The following UCKL1 variants were observed in gnomAD, a reference collection of about 807,000 sequenced individuals.
UCKL1 encodes uridine-cytidine kinase-like 1.
A neutral mutation model predicts 59.2 loss-of-function variants in UCKL1; 65 were observed. The ratio of observed to expected loss-of-function variants is 1.10; its 90% CI spans 0.90 to 1.35. UCKL1 has a LOEUF of 1.35. UCKL1 is among the 40% of genes most tolerant of loss of function. The probability of loss-of-function intolerance (pLI) is 0.00; values close to 1 mark genes in which losing one functional copy is unlikely to be tolerated. For synonymous variants in UCKL1, 410 were observed against 323.1 expected (o/e 1.27, Z -2.88); for missense variants, 703 against 784.3 (o/e 0.90, Z 1.24).
chr20:63,946,054 C>T, intron 3 of UCKL1, 79 bp from the exon 4 acceptor site: 2 of 1,609,572 alleles, frequency 1.2e-6, no homozygotes, highest in Middle Eastern at 1.7e-4. Context: ...CTCTAGGCCT[C>T]CCAGGAGCAG....
intron 2 of UCKL1, 33 bp downstream of exon 2, chr20:63,946,420 C>G: frequency 2.5e-5 from 38 of 1,517,026 alleles, no homozygotes; most frequent in Non-Finnish European, 3.3e-5. Context: ...GGCAGGCGTC[C>G]GGCAGCAGGT....
intron 8 of UCKL1, 84 bp from the exon 9 acceptor site, chr20:63,941,292 G>T (rs1264655231): frequency 2.7e-6 from 4 of 1,455,722 alleles, no homozygotes; most frequent in East Asian, 5.1e-5. Flanking sequence ...GTGCGTCACT[G>T]TGAGGGGAAC....
At chr20:63,953,167 G>A (rs1305831556) in intron 1 of UCKL1, among the ~76,000 whole-genome samples, 2 of 152,126 alleles carry the variant, frequency 1.3e-5, no homozygotes, top group African/African-American at 4.8e-5. Flanking sequence ...ATCACCTGAG[G>A]TTGGGCGTTT....
chr20:63,952,289 C>G (rs2057764127), intron 1 of UCKL1, among the ~76,000 whole-genome samples: 1 of 152,222 alleles, frequency 6.6e-6, no homozygotes, highest in Non-Finnish European at 1.5e-5. Flanking sequence ...CTGGCATGGG[C>G]ATGCACCCTG....
Position 63,945,793 on chromosome 20 carries a change from G to A in UCKL1, c.582+12C>T. 6.2e-7 allele frequency: 1 copy of A among 1,613,440 alleles called. No homozygotes were observed. Among genetic ancestry groups the A allele is most frequent in the East Asian group, 2.2e-5 (1 of 44,884 alleles). On this transcript the variant is annotated intron_variant, in intron 4 of 14. Transcript: ENST00000354216. Reference sequence around the variant, plus strand: ...AGCCCCCCGAGGCCCCCTCTGCAGGGCCCTGGCCTACCCAGTCCTTCTTCC... The same window carrying A: ...AGCCCCCCGAGGCCCCCTCTGCAGGACCCTGGCCTACCCAGTCCTTCTTCC...
intron 5 of UCKL1, 55 bp downstream of exon 5, chr20:63,945,596 C>T (rs2055952941): frequency 1.3e-6 from 2 of 1,584,634 alleles, no homozygotes; most frequent in Non-Finnish European, 1.7e-6. Context: ...ACCTCATGGA[C>T]AGGGCGGCCA....
chr20:63,945,649 A>G lies in UCKL1; in HGVS notation c.654+2T>C, dbSNP rs1379762568. On this transcript the variant is annotated splice_donor_variant, in intron 5 of 14. Transcript: ENST00000354216. LOFTEE classifies it high-confidence loss of function. ...GGGTGGGTATTCCCGGCGGGTGCTT[A>G]CCTCCAACAGTGTCTTGTCAGCAAA... 1.9e-6 allele frequency: 3 copies of G among 1,612,586 alleles called. No individual in the cohort carries two copies. Among genetic ancestry groups the G allele is most frequent in the Non-Finnish European group, 2.5e-6 (3 of 1,179,732 alleles).
At position 63,940,221 on chromosome 20, in the gene UCKL1, G is replaced by A. The variant is rs138408977; in HGVS notation, c.1496C>T (p.Pro499Leu). The A allele has an allele frequency of 2.5e-6, 4 of 1,612,670 alleles. No individual in the cohort carries two copies. The highest frequency in any genetic ancestry group is 1.1e-5 in the South Asian group (1 of 91,092). Reference protein sequence around the residue: ...MGVHSVAYAFPRVRIITTAVD... With the variant: ...MGVHSVAYAFLRVRIITTAVD... ...CGCCGTGGTGATGATTCTCACTCGC[G>A]GAAATGCATAGGCCACTGAGTGCAC... The change falls in exon 14 of 15, where the codon CCG becomes CTG. Residue 499 changes from proline to leucine, a missense_variant. Coordinates refer to ENST00000354216, the MANE Select transcript of UCKL1 (RefSeq NM_017859.4).
At chr20:63,944,118 C>G (rs1013102087) in intron 7 of UCKL1, among the ~76,000 whole-genome samples, 11 of 152,216 alleles carry the variant, frequency 7.2e-5, no homozygotes, top group Admixed American at 2.0e-4. Flanking sequence ...AAAGCTCAGG[C>G]TGGGTGTGCT....
chr20:63,952,431 C>T (rs817315), intron 1 of UCKL1, among the ~76,000 whole-genome samples: 4,077 of 152,276 alleles, frequency 0.027, 101 homozygotes, highest in African/African-American at 0.067. Flanking sequence ...GGAATCACGT[C>T]GCCTCGCTGC....
chr20:63,948,702 T>G (rs1601242497), intron 1 of UCKL1, among the ~76,000 whole-genome samples: 3 of 29,056 alleles, frequency 1.0e-4, no homozygotes, highest in South Asian at 1.4e-3. Flanking sequence ...AGGGGGCGTG[T>G]AAGGGAGGGG....
intron 14 of UCKL1, 45 bp downstream of exon 14, chr20:63,940,101 GCCAC>G (rs780753620): frequency 6.8e-6 from 11 of 1,611,504 alleles, no homozygotes; most frequent in Non-Finnish European, 9.3e-6. Flanking sequence ...GCCTCCCAGG[GCCAC>G]CCACCCTGCC....
chr20:63,950,870 CA>C, intron 1 of UCKL1: 5 of 1,461,646 alleles, frequency 3.4e-6, no homozygotes, highest in Non-Finnish European at 4.5e-6. Context: ...AGAGTGGCCC[CA>C]GGGGTGGATG....
At chr20:63,941,334 C>G (rs1419721078) in intron 8 of UCKL1, 126 bp from the exon 9 acceptor site, 9 of 1,393,448 alleles carry the variant, frequency 6.5e-6, no homozygotes, top group Middle Eastern at 1.9e-4. Flanking sequence ...AGGTGCAGAG[C>G]GGGCCTGACT....
Position 63,939,886 on chromosome 20 carries a change from A to T in UCKL1, c.*90T>A. The T allele has an allele frequency of 9.1e-7, 1 of 1,101,292 alleles. No individual in the cohort carries two copies. The highest frequency in any genetic ancestry group is 1.3e-6 in the Non-Finnish European group (1 of 752,140). 68.2% of individuals were successfully genotyped at this position (1,101,292 alleles called of 1,614,324 possible). A position where few individuals can be genotyped will look rare whatever the true frequency, so the allele number is the denominator to read the frequency against. Reference sequence around the variant, plus strand: ...AATGCATAGAATAAATTATACTAGTAACATTTTAAAAATTAACATCTTTGT... The same window carrying T: ...AATGCATAGAATAAATTATACTAGTTACATTTTAAAAATTAACATCTTTGT... On this transcript the variant is annotated 3_prime_UTR_variant, in exon 15 of 15. Coordinates refer to ENST00000354216, the MANE Select transcript of UCKL1 (RefSeq NM_017859.4).
intron 1 of UCKL1, among the ~76,000 whole-genome samples, chr20:63,951,563 C>T (rs2057601612): frequency 6.6e-6 from 1 of 152,196 alleles, no homozygotes; most frequent in African/African-American, 2.4e-5. Flanking sequence ...CCCTCTGGCA[C>T]CATCTGAAAA....
Position 63,940,979 on chromosome 20 carries a change from C to T in UCKL1, c.1087G>A (p.Glu363Lys). The change falls in exon 10 of 15, where the codon GAG becomes AAG. Residue 363 changes from glutamate to lysine, a missense_variant. Coordinates refer to ENST00000354216, the MANE Select transcript of UCKL1 (RefSeq NM_017859.4). The part of the protein sequence containing the change: ...YSKRLMRLLI[E>K]HALSFLPFQD... The stretch of plus-strand genomic sequence containing the variant: ...AAGGGCAGGAAGGAGAGCGCGTGCT[C>T]GATGAGCAGCCGCATCAGTCTCTTG... The T allele has an allele frequency of 2.0e-6, 3 of 1,528,570 alleles. No homozygotes were observed. The highest frequency in any genetic ancestry group is 1.4e-5 in the African/African-American group (1 of 72,432). 94.7% of individuals were successfully genotyped at this position (1,528,570 alleles called of 1,614,324 possible). A position where few individuals can be genotyped will look rare whatever the true frequency, so the allele number is the denominator to read the frequency against.
At chr20:63,943,404 C>T (rs1193169566) in intron 8 of UCKL1, among the ~76,000 whole-genome samples, 1 of 152,186 alleles carries the variant, frequency 6.6e-6, no homozygotes, top group African/African-American at 2.4e-5. Flanking sequence ...GTCAGGGGAG[C>T]CTCCAGCAAA....
rs1430151501 is a variant in UCKL1 at position 63,956,385 on chromosome 20, C to T, written c.-13G>A. ...GGGGCGCAGCCATGGCGCTCGGAGG[C>T]CTCTTTGCGGGCCTGGCCGGGCGGC... On this transcript the variant is annotated 5_prime_UTR_variant, in exon 1 of 15. Coordinates refer to ENST00000354216, the MANE Select transcript of UCKL1 (RefSeq NM_017859.4). 3 of 1,468,076 alleles carry T rather than the reference C, an allele frequency of 2.0e-6. No individual in the cohort carries two copies. The highest frequency in any genetic ancestry group is 9.0e-7 in the Non-Finnish European group (1 of 1,112,194). The allele number at this position is 1,468,076 out of a possible 1,614,324, so 90.9% of individuals were successfully genotyped here. A position where few individuals can be genotyped will look rare whatever the true frequency, so the allele number is the denominator to read the frequency against.
Sources: allele counts gnomAD v4.1 joint callset (sites outside exome capture counted in the v4.1 genomes callset), GRCh38; gene constraint gnomAD v4.1.1; transcripts MANE v1.5; gene names NCBI Gene and HGNC (gene_info 2026-07-23, HGNC 2026-07-21).